The following TMPRSS11B variants were observed in gnomAD, a reference collection of about 807,000 sequenced individuals.
The protein encoded by TMPRSS11B is transmembrane protease serine 11B.
TMPRSS11B carries 53 observed loss-of-function variants against 44.7 expected under a neutral mutation model. That is an observed-to-expected ratio of 1.19 (90% confidence interval 0.95 to 1.49). The LOEUF (loss-of-function observed/expected upper bound fraction) is 1.49, where lower values mean the gene tolerates loss of function less well. Among genes scored for constraint, TMPRSS11B ranks in the 40% most tolerant of loss-of-function variants. The probability of loss-of-function intolerance (pLI) is 0.00; values close to 1 mark genes in which losing one functional copy is unlikely to be tolerated. For synonymous variants in TMPRSS11B, 140 were observed against 159.2 expected (o/e 0.88, Z 0.91); for missense variants, 526 against 494.8 (o/e 1.06, Z -0.60).
In TMPRSS11B at chr4:68,229,530, T is replaced by C. The variant is rs1719453235; in HGVS notation, c.687-14A>G. ...GAATTATTTTTCCTAGAGGACACAA[T>C]GTAATTAGAATACACTCAGTTGCTG... On this transcript the variant is annotated splice_polypyrimidine_tract_variant and intron_variant, in intron 7 of 9. Transcript: ENST00000332644. 1.9e-6 allele frequency: 3 copies of C among 1,605,862 alleles called. No individual in the cohort carries two copies. The highest frequency in any genetic ancestry group is 1.3e-5 in the African/African-American group (1 of 74,834).
rs775986429 is a variant in TMPRSS11B, at chr4:68,236,221, G to T, written c.170C>A (p.Thr57Lys). ...YQGDFHISGVTYNDNCENAAS... is the reference protein window; with the variant it reads ...YQGDFHISGVKYNDNCENAAS... Reference sequence around the variant, plus strand: ...TGCGTTTTCACAATTATCATTGTATGTGACTCCAGAAATATGAAAATCACC... The same window carrying T: ...TGCGTTTTCACAATTATCATTGTATTTGACTCCAGAAATATGAAAATCACC... Residue 57 changes from threonine to lysine, a missense_variant, in exon 3 of 10, where the codon ACA (threonine) becomes AAA (lysine). Transcript: ENST00000332644. 2.0e-5 allele frequency: 32 copies of T among 1,612,098 alleles called. No individual in the cohort carries two copies. The highest frequency in any genetic ancestry group is 3.3e-4 in the Middle Eastern group (2 of 6,038).
In TMPRSS11B at chr4:68,242,338, A is replaced by ATATGTAATATATATTATAT. The variant is rs1553896883; in HGVS notation, c.9-535_9-534insATATAATATATATTACATA. On this transcript the variant is annotated intron_variant, in intron 1 of 9. Transcript: ENST00000332644. ...TATTATATATATAATATTATATTAT[A>ATATGTAATATATATTATAT]TATATATTATATATAATATTATATT... Among the ~76,000 whole-genome samples, 59 of 50,912 alleles carry ATATGTAATATATATTATAT rather than the reference A, an allele frequency of 1.2e-3. 3 individuals carry two copies. Among genetic ancestry groups the ATATGTAATATATATTATAT allele is most frequent in the African/African-American group, 4.7e-3 (54 of 11,598 alleles). The allele number at this position is 50,912 out of a possible 152,430, so 33.4% of individuals were successfully genotyped here.
intron 1 of TMPRSS11B, among the ~76,000 whole-genome samples, 153 bp downstream of exon 1, chr4:68,245,398 G>A (rs1719971775): frequency 6.6e-6 from 1 of 151,932 alleles, no homozygotes; most frequent in Non-Finnish European, 1.5e-5. Flanking sequence ...ACTTCAAAGG[G>A]TCTGTAGACC....
chr4:68,228,972 T>C, intron 8 of TMPRSS11B, 88 bp from the exon 9 acceptor site: 3 of 1,427,942 alleles, frequency 2.1e-6, no homozygotes, highest in Non-Finnish European at 2.8e-6. Flanking sequence ...CAGACTCTCT[T>C]GGTCACCAAG....
chr4:68,238,356 T>G (rs1203533655), intron 2 of TMPRSS11B, among the ~76,000 whole-genome samples: 1 of 152,264 alleles, frequency 6.6e-6, no homozygotes, highest in East Asian at 1.9e-4. Flanking sequence ...GAGGAGCTAG[T>G]TCCAGCCCCA....
intron 1 of TMPRSS11B, among the ~76,000 whole-genome samples, chr4:68,242,389 A>C (rs1345935661): frequency 2.1e-5 from 2 of 97,522 alleles, no homozygotes; most frequent in Non-Finnish European, 3.8e-5. Flanking sequence ...TATATAATAT[A>C]TAATATATTA....
chr4:68,238,728 A>G (rs1257294192), intron 2 of TMPRSS11B, among the ~76,000 whole-genome samples: 2 of 150,950 alleles, frequency 1.3e-5, no homozygotes, highest in Non-Finnish European at 2.9e-5. Flanking sequence ...CTCCATCTCC[A>G]AAAAACAAAA....
intron 4 of TMPRSS11B, among the ~76,000 whole-genome samples, 194 bp downstream of exon 4, chr4:68,235,808 T>C (rs1719642996): frequency 6.6e-6 from 1 of 152,176 alleles, no homozygotes; most frequent in African/African-American, 2.4e-5. Flanking sequence ...CAATGATACT[T>C]TCATTCATGG....
chr4:68,231,617 T>C (rs748664979), intron 6 of TMPRSS11B, among the ~76,000 whole-genome samples: 1 of 152,182 alleles, frequency 6.6e-6, no homozygotes, highest in Non-Finnish European at 1.5e-5. Flanking sequence ...TTTTGTTGTG[T>C]CTATGTGTTA....
At chr4:68,234,253 G>A (rs779403136) in intron 5 of TMPRSS11B, among the ~76,000 whole-genome samples, 1 of 151,780 alleles carries the variant, frequency 6.6e-6, no homozygotes, top group Non-Finnish European at 1.5e-5. Context: ...ATCCATGCTT[G>A]CAGTGTAACC....
At chr4:68,241,943 C>T in intron 1 of TMPRSS11B, 139 bp from the exon 2 acceptor site, 1 of 596,238 alleles carries the variant, frequency 1.7e-6, no homozygotes, top group Non-Finnish European at 3.1e-6. Context: ...ACCTCAAATG[C>T]CTCAAAGAGG....
chr4:68,241,815 G>C lies in TMPRSS11B; in HGVS notation c.9-11C>G. On this transcript the variant is annotated splice_polypyrimidine_tract_variant and intron_variant, in intron 1 of 9. Transcript: ENST00000332644. ...GAAGATATGCCGTGCCTATGAAAGA[G>C]GAAAATTTTGGTTCAAATCAGATAA... 1 of 1,568,384 alleles carries C rather than the reference G, an allele frequency of 6.4e-7. No homozygotes were observed. The highest frequency in any genetic ancestry group is 8.8e-7 in the Non-Finnish European group (1 of 1,139,290).
intron 2 of TMPRSS11B, among the ~76,000 whole-genome samples, chr4:68,239,803 A>G (rs1296190161): frequency 3.9e-5 from 6 of 152,210 alleles, no homozygotes; most frequent in Admixed American, 3.9e-4. Flanking sequence ...CCCCGGTCCA[A>G]CTGGATCAGC....
Position 68,226,953 on chromosome 4 carries a change from A to C in TMPRSS11B, c.*958T>G, listed in dbSNP as rs1479709378. On this transcript the variant is annotated 3_prime_UTR_variant, in exon 10 of 10. Coordinates refer to ENST00000332644, the MANE Select transcript of TMPRSS11B (RefSeq NM_182502.3). Reference sequence around the variant, plus strand: ...TAATTCCTGACAAATTTTGGATGTCAACTCAATGAGGACAAATTTGTGTAA... The same window carrying C: ...TAATTCCTGACAAATTTTGGATGTCCACTCAATGAGGACAAATTTGTGTAA... 1 of 152,256 alleles carries C rather than the reference A, an allele frequency of 6.6e-6. No individual in the cohort carries two copies. The highest frequency in any genetic ancestry group is 1.5e-5 in the Non-Finnish European group (1 of 68,044). 9.4% of individuals were successfully genotyped at this position (152,256 alleles called of 1,614,324 possible).
At chr4:68,241,950 G>A (rs1189509188) in intron 1 of TMPRSS11B, 146 bp from the exon 2 acceptor site, 3 of 592,514 alleles carry the variant, frequency 5.1e-6, no homozygotes, top group South Asian at 4.5e-5. Context: ...ATGCCTCAAA[G>A]AGGATAGACC....
At chr4:68,234,238 C>T (rs1227349099) in intron 5 of TMPRSS11B, among the ~76,000 whole-genome samples, 2 of 152,022 alleles carry the variant, frequency 1.3e-5, no homozygotes, top group Admixed American at 6.6e-5. Context: ...CCCTTCCAAA[C>T]TTACATCCAT....
intron 2 of TMPRSS11B, among the ~76,000 whole-genome samples, chr4:68,238,700 C>T (rs1159368489): frequency 1.3e-5 from 2 of 152,098 alleles, no homozygotes; most frequent in Non-Finnish European, 2.9e-5. Context: ...GCACTCCAGC[C>T]TGGGAGATAG....
Position 68,245,626 on chromosome 4 carries a change from C to A in TMPRSS11B, c.-68G>T. 6.4e-7 allele frequency: 1 copy of A among 1,564,780 alleles called. No individual in the cohort carries two copies. Among genetic ancestry groups the A allele is most frequent in the East Asian group, 2.2e-5 (1 of 44,558 alleles). On this transcript the variant is annotated 5_prime_UTR_variant, in exon 1 of 10. Coordinates refer to ENST00000332644, the MANE Select transcript of TMPRSS11B (RefSeq NM_182502.3). ...ATGATGATGACGAAGATAACGATAA[C>A]GATGACAATGCTGGTAATAGTGATG... is the stretch of plus-strand genomic sequence containing the variant.
intron 1 of TMPRSS11B, among the ~76,000 whole-genome samples, chr4:68,242,254 T>A (rs1404024489): frequency 1.4e-5 from 1 of 70,328 alleles, no homozygotes; most frequent in African/African-American, 7.0e-5. Context: ...TTATATATAT[T>A]ATAATATATA....
Sources: gnomAD v4.1 joint callset for allele counts (sites outside exome capture counted in the v4.1 genomes callset) on GRCh38, gnomAD v4.1.1 for gene constraint, MANE v1.5 for transcripts, NCBI Gene and HGNC (gene_info 2026-07-23, HGNC 2026-07-21) for gene names.